Variants in GABRG3 observed in about 807,000 individuals in gnomAD.
GABRG3 encodes gamma-aminobutyric acid type A receptor subunit gamma3.
A neutral mutation model predicts 48.8 loss-of-function variants in GABRG3; 25 were observed. That is an observed-to-expected ratio of 0.51 (90% CI 0.37 to 0.72). The LOEUF (loss-of-function observed/expected upper bound fraction) is 0.72, where lower values mean the gene tolerates loss of function less well. GABRG3 is among the 30% of genes least tolerant of loss of function. The pLI, the probability that GABRG3 is intolerant of heterozygous loss-of-function variation, is 0.00. For missense variants in GABRG3, 394 were observed against 577.9 expected, an observed-to-expected ratio of 0.68 and a Z score of 3.26; for synonymous variants, 227 against 217.6, an observed-to-expected ratio of 1.04 and a Z score of -0.38.
chr15:27,470,798 T>A (rs1249189907), intron 5 of GABRG3, among the ~76,000 whole-genome samples: 24 of 152,160 alleles, frequency 1.6e-4, no homozygotes, highest in Admixed American at 1.6e-3. Context: ...ATTTTGTAAG[T>A]ATAGTTTTTA....
At chr15:27,366,587 A>G (rs991455421) in intron 5 of GABRG3, among the ~76,000 whole-genome samples, 3 of 152,034 alleles carry the variant, frequency 2.0e-5, no homozygotes, top group African/African-American at 7.2e-5. Flanking sequence ...TCTGCTGGCT[A>G]ACATGCATCT....
intron 2 of GABRG3, among the ~76,000 whole-genome samples, chr15:27,018,226 T>C (rs1895814692): frequency 6.6e-6 from 1 of 152,220 alleles, no homozygotes; most frequent in Admixed American, 6.5e-5. Context: ...ATTTATAACA[T>C]TACTAGACTT....
intron 3 of GABRG3, among the ~76,000 whole-genome samples, chr15:27,223,114 C>G (rs1315011321): frequency 6.6e-6 from 1 of 152,140 alleles, no homozygotes; most frequent in East Asian, 1.9e-4. Flanking sequence ...GATGCAACAT[C>G]CATTTGTATC....
At chr15:27,317,894 C>CCACTGCTAA (rs75453164) in intron 3 of GABRG3, among the ~76,000 whole-genome samples, 1 of 151,566 alleles carries the variant, frequency 6.6e-6, no homozygotes, top group Non-Finnish European at 1.5e-5. Context: ...TTTAAATCTG[C>CCACTGCTAA]CACATCCTCA....
chr15:27,167,413 A>C (rs531541561), intron 3 of GABRG3, among the ~76,000 whole-genome samples: 1 of 152,290 alleles, frequency 6.6e-6, no homozygotes, highest in East Asian at 1.9e-4. Context: ...AAGGTGCAAA[A>C]ACCAAAATTA....
At chr15:27,314,416 G>C (rs1266895108) in intron 3 of GABRG3, among the ~76,000 whole-genome samples, 1 of 152,172 alleles carries the variant, frequency 6.6e-6, no homozygotes, top group Non-Finnish European at 1.5e-5. Flanking sequence ...AAGTCAGCAA[G>C]GGTTGGCAAG....
intron 6 of GABRG3, among the ~76,000 whole-genome samples, chr15:27,490,283 T>A (rs1008966104): frequency 1.3e-5 from 2 of 152,188 alleles, no homozygotes; most frequent in African/African-American, 4.8e-5. Context: ...AAGTACTGAG[T>A]GCTTTCAGCA....
At chr15:27,468,131 G>A (rs1043567651) in intron 5 of GABRG3, among the ~76,000 whole-genome samples, 5 of 152,182 alleles carry the variant, frequency 3.3e-5, no homozygotes, top group South Asian at 2.1e-4. Flanking sequence ...CACCCCTGCC[G>A]GTGTCCAGGC....
At chr15:27,339,101 G>A (rs79290645) in intron 5 of GABRG3, among the ~76,000 whole-genome samples, 8,171 of 152,160 alleles carry the variant, frequency 0.054, 425 homozygotes, top group African/African-American at 0.13. Flanking sequence ...CAACTAGGAG[G>A]GTCCTGTCTC....
At chr15:27,412,968 T>A (rs1226029354) in intron 5 of GABRG3, among the ~76,000 whole-genome samples, 3 of 152,224 alleles carry the variant, frequency 2.0e-5, no homozygotes, top group Non-Finnish European at 4.4e-5. Flanking sequence ...TTTCTTTGCT[T>A]CCTGTTTATT....
intron 6 of GABRG3, among the ~76,000 whole-genome samples, chr15:27,506,043 G>A (rs1566871358): frequency 6.6e-6 from 1 of 152,114 alleles, no homozygotes; most frequent in Non-Finnish European, 1.5e-5. Flanking sequence ...ATAGTGTTAT[G>A]CATTCAGCAT....
chr15:27,234,295 G>A (rs1889890197), intron 3 of GABRG3, among the ~76,000 whole-genome samples: 1 of 152,180 alleles, frequency 6.6e-6, no homozygotes, highest in South Asian at 2.1e-4. Context: ...CCAGGACCAT[G>A]ATCCAGAGAG....
intron 5 of GABRG3, among the ~76,000 whole-genome samples, chr15:27,333,041 C>T (rs1381679573): frequency 6.6e-6 from 1 of 152,006 alleles, no homozygotes; most frequent in Non-Finnish European, 1.5e-5. Context: ...ATTATTAAAA[C>T]TAAATTTTAA....
chr15:27,395,580 C>G (rs1458040926), intron 5 of GABRG3, among the ~76,000 whole-genome samples: 1 of 152,080 alleles, frequency 6.6e-6, no homozygotes, highest in Non-Finnish European at 1.5e-5. Context: ...TAGAAATTAA[C>G]CCATACTAAT....
chr15:27,206,673 G>T (rs1043430649), intron 3 of GABRG3, among the ~76,000 whole-genome samples: 1 of 152,074 alleles, frequency 6.6e-6, no homozygotes, highest in African/African-American at 2.4e-5. Flanking sequence ...CTATTATTTT[G>T]TGTGGTTATC....
Position 26,993,111 on chromosome 15 carries a change from G to C in GABRG3, c.202+15961G>C, listed in dbSNP as rs1895277084. ...TTGGGTCATCTCTCTTTTTTTCTTAGTCTGGCTAAAGGTTTGTCAATTTTG... is the reference window on the plus strand; with the variant it reads ...TTGGGTCATCTCTCTTTTTTTCTTACTCTGGCTAAAGGTTTGTCAATTTTG... On this transcript the variant is annotated intron_variant, in intron 2 of 9. Transcript: ENST00000615808. Among the ~76,000 whole-genome samples, 3 of 151,336 alleles carry C rather than the reference G, an allele frequency of 2.0e-5. No homozygotes were observed. In the South Asian group the frequency reaches 6.3e-4, roughly 32 times the overall value.
At chr15:27,371,282 T>C (rs1294601445) in intron 5 of GABRG3, among the ~76,000 whole-genome samples, 1 of 111,728 alleles carries the variant, frequency 9.0e-6, no homozygotes, top group African/African-American at 5.2e-5. Flanking sequence ...ACAGTGAACA[T>C]TTTTTTTTCT....
chr15:27,135,561 C>A lies in GABRG3; in HGVS notation c.270+108740C>A, dbSNP rs140527528. Among the ~76,000 whole-genome samples the A allele has an allele frequency of 2.9e-4, 44 of 152,190 alleles. 1 individual carries two copies. The East Asian group carries it at 4.6e-3, about 16-fold the overall frequency. ...AGCATGCTGGTTGTATGAGCTAGGG[C>A]AAATAATGTCAAATTTTTAGCACTG... On this transcript the variant is annotated intron_variant, in intron 3 of 9. Transcript: ENST00000615808.
At chr15:27,101,389 C>T (rs1221734129) in intron 3 of GABRG3, among the ~76,000 whole-genome samples, 2 of 152,114 alleles carry the variant, frequency 1.3e-5, no homozygotes, top group African/African-American at 2.4e-5. Flanking sequence ...TTTTTCCTTA[C>T]GTGATCTGCA....
Sources: gnomAD v4.1 joint callset for allele counts (sites outside exome capture counted in the v4.1 genomes callset) on GRCh38, gnomAD v4.1.1 for gene constraint, MANE v1.5 for transcripts, NCBI Gene and HGNC (gene_info 2026-07-23, HGNC 2026-07-21) for gene names.